Variants in KRT13 observed in about 807,000 individuals in gnomAD.
KRT13 encodes the protein keratin 13, also known as keratin, type I cytoskeletal 13.
In KRT13, 27 loss-of-function variants were observed where a neutral mutation model predicts 40.6. The ratio of observed to expected loss-of-function variants is 0.67; its 90% CI spans 0.49 to 0.92. The LOEUF (loss-of-function observed/expected upper bound fraction) is 0.92. Among genes scored for constraint, KRT13 ranks in the 40% least tolerant of loss-of-function variants. The probability of loss-of-function intolerance (pLI) is 0.00; values close to 1 mark genes in which losing one functional copy is unlikely to be tolerated. For missense variants in KRT13, 605 were observed against 611.5 expected (o/e 0.99, Z 0.11); for synonymous variants, 266 against 240.3 (o/e 1.11, Z -0.99).
At position 41,502,788 on chromosome 17, in the gene KRT13, A is replaced by C. The variant is rs371567219; in HGVS notation, c.922T>G (p.Ser308Ala). The change falls in exon 5 of 8, where the codon TCT (serine) becomes GCT (alanine). Residue 308 changes from serine to alanine, a missense_variant. By Grantham distance (99) the Ser-to-Ala change is moderately conservative. Coordinates refer to ENST00000246635, the MANE Select transcript of KRT13 (RefSeq NM_153490.3). ...GTCTGAATCATGGCAGTGTTGGTAG[A>C]CACCTCCTTGTTCAGCTCTGCACTC... ...TKSAELNKEV[S>A]TNTAMIQTSK... 4.3e-6 allele frequency: 7 copies of C among 1,614,086 alleles called. No homozygotes were observed. Among genetic ancestry groups the C allele is most frequent in the Non-Finnish European group, 5.9e-6 (7 of 1,180,026 alleles).
Position 41,501,378 on chromosome 17 carries a change from C to A in KRT13, c.1271-16G>T. The A allele has an allele frequency of 6.5e-7, 1 of 1,542,900 alleles. No homozygotes were observed. Among genetic ancestry groups the A allele is most frequent in the Non-Finnish European group, 8.8e-7 (1 of 1,137,816 alleles). Reference sequence around the variant, plus strand: ...CTGACGCTTCCTGGGAAACAAGAGACAAGACATGCTCAGGCTGGAGAAGAC... The same window carrying A: ...CTGACGCTTCCTGGGAAACAAGAGAAAAGACATGCTCAGGCTGGAGAAGAC... On this transcript the variant is annotated splice_polypyrimidine_tract_variant and intron_variant, in intron 7 of 7. Transcript: ENST00000246635.
Position 41,505,569 on chromosome 17 carries a change from AGCAGGT to A in KRT13, c.-25_-20del. On this transcript the variant is annotated 5_prime_UTR_variant, in exon 1 of 8. Transcript: ENST00000246635. ...GGCTCATGGTGAGAGCAGGATTGAG[AGCAGGT>A]GCAGATAGAAGCTTGCTTGGCCTGG... 6.2e-7 allele frequency: 1 copy of A among 1,614,062 alleles called. No homozygotes were observed. The highest frequency in any genetic ancestry group is 8.5e-7 in the Non-Finnish European group (1 of 1,180,034).
In KRT13 at chr17:41,502,430, T is replaced by G. The variant is rs1904884833; in HGVS notation, c.1188A>C (p.Thr396=). The G allele has an allele frequency of 2.5e-6, 4 of 1,614,062 alleles. No homozygotes were observed. The highest frequency in any genetic ancestry group is 3.3e-5 in the Admixed American group (2 of 60,004). Residue 396 remains threonine (T), a synonymous_variant, in exon 6 of 8, where the codon ACA becomes ACC. Transcript: ENST00000246635. ...QEYKMLLDIK[T]RLEQEIATYR... ...AGGTGGCGATCTCCTGCTCCAGACG[T>G]GTCTTGATGTCCAGCAGCATCTTGT... is the stretch of plus-strand genomic sequence containing the variant.
Position 41,505,102 on chromosome 17 carries a change from C to A in KRT13, c.449G>T (p.Arg150Leu), listed in dbSNP as rs548070268. 3.7e-6 allele frequency: 6 copies of A among 1,614,214 alleles called. No individual in the cohort carries two copies. The highest frequency in any genetic ancestry group is 4.2e-6 in the Non-Finnish European group (5 of 1,180,040). Reference protein sequence around the residue: ...HLKQSPASPERDYSPYYKTIE... With the variant: ...HLKQSPASPELDYSPYYKTIE... ...GGTCTTGTAGTAGGGGCTGTAGTCC[C>A]GCTCAGGGCTAGCTGGGCTCTGCTT... Residue 150 changes from arginine to leucine, a missense_variant, in exon 1 of 8, where the codon CGG (arginine) becomes CTG (leucine). Transcript: ENST00000246635.
rs530296574 is a variant in KRT13 at position 41,503,520 on chromosome 17, A to G, written c.579-77T>C. ...TATGAGACATTCTCCCTACCCCTGCACGAGACTCCAGTACTTCCAGACCTT... is the reference window on the plus strand; with the variant it reads ...TATGAGACATTCTCCCTACCCCTGCGCGAGACTCCAGTACTTCCAGACCTT... On this transcript the variant is annotated intron_variant, in intron 2 of 7. Transcript: ENST00000246635. 119 of 1,562,952 alleles carry G rather than the reference A, an allele frequency of 7.6e-5. No individual in the cohort carries two copies. In the South Asian group the frequency reaches 1.3e-3, roughly 16 times the overall value.
At position 41,503,422 on chromosome 17, in the gene KRT13, C is replaced by T; in HGVS notation, c.600G>A (p.Leu200=). The T allele has an allele frequency of 6.2e-7, 1 of 1,614,246 alleles. No homozygotes were observed. The highest frequency in any genetic ancestry group is 1.1e-5 in the South Asian group (1 of 91,086). The change falls in exon 3 of 8, where the codon CTG becomes CTA. Residue 200 remains leucine (L), a synonymous_variant. Transcript: ENST00000246635. ...FRLKYENELA[L]RQSVEADING... ...TGATGTCGGCCTCCACGCTCTGGCGCAGGGCCAGCTCATTCTCATACCTAA... is the reference window on the plus strand; with the variant it reads ...TGATGTCGGCCTCCACGCTCTGGCGTAGGGCCAGCTCATTCTCATACCTAA...
In KRT13 at chr17:41,503,525, A is replaced by G. The variant is rs377480533; in HGVS notation, c.579-82T>C. On this transcript the variant is annotated intron_variant, in intron 2 of 7. Transcript: ENST00000246635. ...GACATTCTCCCTACCCCTGCACGAG[A>G]CTCCAGTACTTCCAGACCTTCACTC... 4 of 1,553,358 alleles carry G rather than the reference A, an allele frequency of 2.6e-6. No individual in the cohort carries two copies. In the African/African-American group the frequency reaches 4.1e-5, roughly 16 times the overall value.
chr17:41,503,774 G>T (rs1904961109), intron 1 of KRT13, 49 bp from the exon 2 acceptor site: 6 of 1,454,796 alleles, frequency 4.1e-6, no homozygotes, highest in Non-Finnish European at 5.8e-6. Context: ...TGTCCAGTCT[G>T]TTGGCTTCCC....
chr17:41,505,036 C>T lies in KRT13; in HGVS notation c.495+20G>A, dbSNP rs1329532450. 6.2e-7 allele frequency: 1 copy of T among 1,613,806 alleles called. No homozygotes were observed. The highest frequency in any genetic ancestry group is 1.7e-5 in the Admixed American group (1 of 60,006). ...CTCTGCCCTTCATGGAGGACCCCTC[C>T]TCAGCTTCCAAGGGCTCACCTTGTC... On this transcript the variant is annotated intron_variant, in intron 1 of 7. Transcript: ENST00000246635.
rs772368091 is a variant in KRT13, at chr17:41,503,490, AATGAT to A, written c.579-52_579-48del. On this transcript the variant is annotated intron_variant, in intron 2 of 7. Transcript: ENST00000246635. ...ATGTTTTTTGAAAAAGCAAGACATA[AATGAT>A]ATGAGACATTCTCCCTACCCCTGCA... is the stretch of plus-strand genomic sequence containing the variant. 156 of 1,604,660 alleles carry A rather than the reference AATGAT, an allele frequency of 9.7e-5. 1 individual carries two copies. The African/African-American group carries it at 2.0e-3, about 21-fold the overall frequency.
rs777034991 is a variant in KRT13 at position 41,505,494 on chromosome 17, G to T, written c.57C>A (p.Gly19=). 7.4e-6 allele frequency: 12 copies of T among 1,614,140 alleles called. No homozygotes were observed. In the East Asian group the frequency reaches 2.0e-4, roughly 27 times the overall value. The change falls in exon 1 of 8, where the codon GGC becomes GGA. Residue 19 remains glycine, a synonymous_variant. Coordinates refer to ENST00000246635, the MANE Select transcript of KRT13 (RefSeq NM_153490.3). ...SASYGGGFGG[G]SCQLGGGRGV... is the part of the protein sequence containing the mutation. ...CACGGCCTCCTCCCAGCTGGCAAGA[G>T]CCACCCCCGAAACCACCTCCATAGC... is the stretch of plus-strand genomic sequence containing the variant.
At chr17:41,503,597 AAG>A (rs1410731535) in intron 2 of KRT13, 44 bp downstream of exon 2, 10 of 1,579,924 alleles carry the variant, frequency 6.3e-6, no homozygotes, top group Non-Finnish European at 8.7e-6. Context: ...TGTCTAAACT[AAG>A]AGACTCCTGG....
rs770647667 is a variant in KRT13 at position 41,502,991 on chromosome 17, G to A, written c.843C>T (p.Tyr281=). The A allele has an allele frequency of 1.7e-5, 27 of 1,614,130 alleles. No individual in the cohort carries two copies. The highest frequency in any genetic ancestry group is 1.6e-4 in the Middle Eastern group (1 of 6,062). ...TRVLAEMREQ[Y]EAMAERNRRD... Reference sequence around the variant, plus strand: ...GGCGGTTCCTCTCTGCCATGGCCTCGTACTGCTCCCTCATCTCTGCCAGCA... The same window carrying A: ...GGCGGTTCCTCTCTGCCATGGCCTCATACTGCTCCCTCATCTCTGCCAGCA... Residue 281 remains tyrosine (Y), a synonymous_variant, in exon 4 of 8, where the codon TAC becomes TAT. Coordinates refer to ENST00000246635, the MANE Select transcript of KRT13 (RefSeq NM_153490.3).
chr17:41,501,301 G>C lies in KRT13; in HGVS notation c.1332C>G (p.Thr444=), dbSNP rs760502700. 3.4e-5 allele frequency: 54 copies of C among 1,576,782 alleles called. No homozygotes were observed. Among genetic ancestry groups the C allele is most frequent in the Non-Finnish European group, 4.6e-5 (53 of 1,161,300 alleles). ...TTTSSASVTT[T]SNASGRRTSD... ...AAGTGCGGCGACCAGAGGCATTAGA[G>C]GTGGTGGTAACAGAGGCACTAGAAG... Residue 444 remains threonine (T), a synonymous_variant, in exon 8 of 8, where the codon ACC becomes ACG. Transcript: ENST00000246635.
rs1376941066 is a variant in KRT13, at chr17:41,502,995, T to G, written c.839A>C (p.Gln280Pro). The change falls in exon 4 of 8, where the codon CAG becomes CCG. Residue 280 changes from glutamine (Q) to proline (P), a missense_variant. Gln to Pro is a moderately conservative substitution (Grantham distance 76, BLOSUM62 -1). Coordinates refer to ENST00000246635, the MANE Select transcript of KRT13 (RefSeq NM_153490.3). Reference protein sequence around the residue: ...LTRVLAEMREQYEAMAERNRR... With the variant: ...LTRVLAEMREPYEAMAERNRR... ...GTTCCTCTCTGCCATGGCCTCGTAC[T>G]GCTCCCTCATCTCTGCCAGCACGCG... 6.2e-7 allele frequency: 1 copy of G among 1,614,238 alleles called. No homozygotes were observed. The highest frequency in any genetic ancestry group is 2.2e-5 in the East Asian group (1 of 44,886).
At position 41,502,968 on chromosome 17, in the gene KRT13, C is replaced by A. The variant is rs148399399; in HGVS notation, c.866G>T (p.Arg289Leu). The A allele has an allele frequency of 6.8e-6, 11 of 1,614,194 alleles. No homozygotes were observed. The Admixed American group carries it at 1.8e-4, about 27-fold the overall frequency. The change falls in exon 4 of 8, where the codon CGC (arginine) becomes CTC (leucine). Residue 289 changes from arginine (R) to leucine (L), a missense_variant. By Grantham distance (102) the Arg-to-Leu change is moderately radical. Transcript: ENST00000246635. ...EQYEAMAERNRRDAEEWFHTK... is the reference protein window; with the variant it reads ...EQYEAMAERNLRDAEEWFHTK... ...GTGGAACCATTCCTCAGCATCCCGGCGGTTCCTCTCTGCCATGGCCTCGTA... is the reference window on the plus strand; with the variant it reads ...GTGGAACCATTCCTCAGCATCCCGGAGGTTCCTCTCTGCCATGGCCTCGTA...
At chr17:41,502,265 G>A in intron 6 of KRT13, 109 bp downstream of exon 6, 3 of 1,608,176 alleles carry the variant, frequency 1.9e-6, no homozygotes, top group Admixed American at 1.7e-5. Flanking sequence ...GTCAGACAGT[G>A]AGGGGTCTCC....
chr17:41,504,494 C>T (rs1310185285), intron 1 of KRT13: 1 of 158,790 alleles, frequency 6.3e-6, no homozygotes, highest in Admixed American at 5.9e-5. Context: ...AGACTCAGCC[C>T]AGGCTGGTAG....
rs11550071 is a variant in KRT13, at chr17:41,501,123, A to G, written c.*133T>C. ...CACAGAGGGCCCACCATCAGGAGAG[A>G]GTCAGGACAGGGGGTCCTGAGAGCA... On this transcript the variant is annotated 3_prime_UTR_variant, in exon 8 of 8. Transcript: ENST00000246635. The G allele has an allele frequency of 3.0e-6, 2 of 664,830 alleles. No homozygotes were observed. Among genetic ancestry groups the G allele is most frequent in the Non-Finnish European group, 5.6e-6 (2 of 359,142 alleles). 41.2% of individuals were successfully genotyped at this position (664,830 alleles called of 1,614,324 possible).
Sources: allele counts gnomAD v4.1 joint callset, GRCh38; gene constraint gnomAD v4.1.1; transcripts MANE v1.5; gene names NCBI Gene and HGNC (gene_info 2026-07-23, HGNC 2026-07-21).